The following GPR19 variants were observed in gnomAD, a reference collection of about 807,000 sequenced individuals.
GPR19 encodes G protein-coupled receptor 19, also known as probable G protein-coupled receptor 19.
GPR19 carries 14 observed loss-of-function variants against 28.5 expected under a neutral mutation model. The observed-to-expected ratio is 0.49, with a 90% CI of 0.32 to 0.77. The LOEUF (loss-of-function observed/expected upper bound fraction) is 0.77, where lower values mean the gene tolerates loss of function less well. GPR19 is among the 30% of genes least tolerant of loss of function. The pLI is 0.03. For missense variants in GPR19, 409 were observed against 504.1 expected (o/e 0.81, Z 1.81); for synonymous variants, 173 against 184.1 (o/e 0.94, Z 0.49).
At chr12:12,713,057 CTTT>C in the GPR19 span, among the ~76,000 whole-genome samples, 16 of 108,056 alleles carry the variant, frequency 1.5e-4, no homozygotes, top group African/African-American at 2.8e-4. Context: ...ATCTGATGCG[CTTT>C]TTTTTTTTTT....
At chr12:12,684,177 GA>G (rs1405564088) in intron 3 of GPR19, 173 bp downstream of exon 3, 1 of 152,098 alleles carries the variant, frequency 6.6e-6, no homozygotes, top group Non-Finnish European at 1.5e-5. Context: ...ATACTCTGAT[GA>G]ATTTTCATTT....
intron 3 of GPR19, chr12:12,669,052 G>C (rs960281798): frequency 6.6e-6 from 1 of 152,198 alleles, no homozygotes; most frequent in African/African-American, 2.4e-5. Context: ...CTGTACATGG[G>C]TAAGTCTTTC....
chr12:12,680,969 G>A (rs556897737), intron 3 of GPR19, among the ~76,000 whole-genome samples: 7 of 152,276 alleles, frequency 4.6e-5, no homozygotes, highest in Admixed American at 3.3e-4. Flanking sequence ...GATTACAGGC[G>A]TGAGCAACCA....
chr12:12,680,532 G>C (rs556885552), intron 3 of GPR19, among the ~76,000 whole-genome samples: 98 of 152,098 alleles, frequency 6.4e-4, no homozygotes, highest in African/African-American at 2.2e-3. Flanking sequence ...TTTGAGATAG[G>C]GTCTTGCTTT....
At chr12:12,679,978 AC>A (rs1945993923) in intron 3 of GPR19, among the ~76,000 whole-genome samples, 1 of 152,246 alleles carries the variant, frequency 6.6e-6, no homozygotes, top group Non-Finnish European at 1.5e-5. Context: ...CAAGTGCTCA[AC>A]AAATATTTGC....
chr12:12,716,870 C>T, the GPR19 span: 1 of 984,422 alleles, frequency 1.0e-6, no homozygotes, highest in Non-Finnish European at 1.2e-6. Context: ...GCAAACGCTC[C>T]GCGGCCTCCC....
chr12:12,685,265 C>CT (rs11412017), intron 2 of GPR19, among the ~76,000 whole-genome samples: 117,374 of 140,128 alleles, frequency 0.84, 50,539 homozygotes, highest in Non-Finnish European at 0.94. Flanking sequence ...TAAATATGGT[C>CT]TTTTTTTTTT....
rs185826069 is a variant in GPR19, at chr12:12,662,445, C to A, written c.4G>T (p.Val2Phe). The A allele has an allele frequency of 6.8e-5, 110 of 1,612,456 alleles. 1 individual carries two copies. The Admixed American group carries it at 1.2e-3, about 18-fold the overall frequency. The change falls in exon 4 of 4, where the codon GTT becomes TTT. Residue 2 changes from valine (V) to phenylalanine (F), a missense_variant. By Grantham distance (50) the Val-to-Phe change is conservative. Coordinates refer to ENST00000651487, the MANE Select transcript of GPR19 (RefSeq NM_006143.3). M[V>F]FAHRMDNSKP... ...CTGTTATCCATTCTGTGAGCAAAAACCATATTCACTTTTTTTCTCTTAATT... is the reference window on the plus strand; with the variant it reads ...CTGTTATCCATTCTGTGAGCAAAAAACATATTCACTTTTTTTCTCTTAATT...
intron 3 of GPR19, among the ~76,000 whole-genome samples, chr12:12,668,349 A>C (rs540166554): frequency 6.6e-6 from 1 of 152,260 alleles, no homozygotes; most frequent in South Asian, 2.1e-4. Context: ...TCATGATTCT[A>C]ACTTTTTGAA....
At chr12:12,711,290 C>CA in the GPR19 span, among the ~76,000 whole-genome samples, 45,273 of 109,380 alleles carry the variant, frequency 0.41, 9,211 homozygotes, top group South Asian at 0.51. Context: ...GAGACTCCAT[C>CA]AAAAAAAAAA....
the GPR19 span, chr12:12,716,637 C>A: frequency 7.7e-6 from 3 of 390,578 alleles, no homozygotes; most frequent in Non-Finnish European, 1.0e-5. Flanking sequence ...ATCTTGAGTT[C>A]CTTTCTTATT....
chr12:12,692,421 CG>C (rs1946196140), intron 2 of GPR19, among the ~76,000 whole-genome samples: 1 of 151,278 alleles, frequency 6.6e-6, no homozygotes, highest in Admixed American at 6.6e-5. Flanking sequence ...AGGTTAATGG[CG>C]GGGTTTTGCC....
rs571831528 is a variant in GPR19, at chr12:12,662,371, G to A, written c.78C>T (p.Arg26=). The A allele has an allele frequency of 1.2e-6, 2 of 1,614,216 alleles. No individual in the cohort carries two copies. The highest frequency in any genetic ancestry group is 2.7e-5 in the African/African-American group (2 of 75,056). The part of the protein sequence containing the change: ...IPTLLVPLQN[R]SCTETATPLP... ...GAGGTGTGGCTGTTTCAGTGCAGCTGCGGTTTTGGAGGGGCACCAGAAGTG... is the reference window on the plus strand; with the variant it reads ...GAGGTGTGGCTGTTTCAGTGCAGCTACGGTTTTGGAGGGGCACCAGAAGTG... The change falls in exon 4 of 4, where the codon CGC becomes CGT. Residue 26 remains arginine (R), a synonymous_variant. Coordinates refer to ENST00000651487, the MANE Select transcript of GPR19 (RefSeq NM_006143.3).
intron 2 of GPR19, among the ~76,000 whole-genome samples, chr12:12,694,613 C>G (rs1411641338): frequency 2.0e-5 from 3 of 152,156 alleles, no homozygotes; most frequent in Admixed American, 6.5e-5. Flanking sequence ...AAGTTCTATG[C>G]TACCTCATTT....
Position 12,661,924 on chromosome 12 carries a change from C to T in GPR19, c.525G>A (p.Val175=), listed in dbSNP as rs1945680918. 6.2e-7 allele frequency: 1 copy of T among 1,614,114 alleles called. No individual in the cohort carries two copies. Among genetic ancestry groups the T allele is most frequent in the East Asian group, 2.2e-5 (1 of 44,900 alleles). The change falls in exon 4 of 4, where the codon GTG becomes GTA. Residue 175 remains valine (V), a synonymous_variant. Coordinates refer to ENST00000651487, the MANE Select transcript of GPR19 (RefSeq NM_006143.3). This position sits in a 1 kb window ranked among gnomAD's most constrained non-coding sequence, Gnocchi z 4.2. ...TCATTTTCTTGGCTTTTTCTCTGGA[C>T]ACCTTGAAGCTCAGAGGATAGACGA... is the stretch of plus-strand genomic sequence containing the variant. The part of the protein sequence containing the change: ...YTIVYPLSFK[V]SREKAKKMIA...
chr12:12,667,226 A>G (rs1005726720), intron 3 of GPR19, among the ~76,000 whole-genome samples: 1 of 152,212 alleles, frequency 6.6e-6, no homozygotes, highest in Non-Finnish European at 1.5e-5. Context: ...GCCAGTTCTG[A>G]GACTACCATT....
chr12:12,699,978 CTT>C (rs10716814), upstream of GPR19, among the ~76,000 whole-genome samples: 1,287 of 119,400 alleles, frequency 0.011, 13 homozygotes, highest in African/African-American at 0.032. Context: ...AGCTTTCTTT[CTT>C]TTTTTTTTTT....
chr12:12,683,292 A>G (rs575918933), intron 3 of GPR19, among the ~76,000 whole-genome samples: 160 of 152,316 alleles, frequency 1.1e-3, no homozygotes, highest in Non-Finnish European at 1.7e-3. Context: ...TTAAATATAG[A>G]TTTCTTTGGG....
the GPR19 span, among the ~76,000 whole-genome samples, chr12:12,711,531 G>C: frequency 6.6e-6 from 1 of 152,064 alleles, no homozygotes; most frequent in Non-Finnish European, 1.5e-5. Flanking sequence ...CATTCTATTG[G>C]AAAATACTTC....
Sources: allele counts gnomAD v4.1 joint callset (sites outside exome capture counted in the v4.1 genomes callset), GRCh38; gene constraint gnomAD v4.1.1; non-coding constraint Gnocchi (gnomAD v3.1); transcripts MANE v1.5; gene names NCBI Gene and HGNC (gene_info 2026-07-23, HGNC 2026-07-21).